The following CRB1 variants were observed in gnomAD, a reference collection of about 807,000 sequenced individuals.
CRB1 encodes the protein protein crumbs homolog 1.
Under a neutral mutation model 120.0 loss-of-function variants are expected in CRB1, and 83 were observed. That is an observed-to-expected ratio of 0.69 (90% CI 0.58 to 0.83). The LOEUF (loss-of-function observed/expected upper bound fraction) is 0.83, where lower values mean the gene tolerates loss of function less well. Among genes scored for constraint, CRB1 ranks in the 40% least tolerant of loss-of-function variants. The pLI, the probability that CRB1 is intolerant of heterozygous loss-of-function variation, is 0.00. For missense variants in CRB1, 1,699 were observed against 1,687.6 expected, an observed-to-expected ratio of 1.01 and a Z score of -0.12; for synonymous variants, 625 against 612.5, an observed-to-expected ratio of 1.02 and a Z score of -0.30.
intron 11 of CRB1, among the ~76,000 whole-genome samples, chr1:197,461,044 G>T (rs561421994): frequency 6.6e-5 from 10 of 152,242 alleles, no homozygotes; most frequent in African/African-American, 2.4e-4. Flanking sequence ...GATAATCACA[G>T]CTGGCAATAT....
At chr1:197,342,914 T>C (rs1571870731) in intron 2 of CRB1, among the ~76,000 whole-genome samples, 2 of 152,324 alleles carry the variant, frequency 1.3e-5, no homozygotes, top group African/African-American at 2.4e-5. Flanking sequence ...ACCTTAGTTA[T>C]GCCAAGTAAA....
intron 10 of CRB1, chr1:197,439,345 C>A (rs2125507852): frequency 6.5e-6 from 1 of 153,482 alleles, no homozygotes; most frequent in East Asian, 1.9e-4. Flanking sequence ...ACTATATAAG[C>A]AGATAATTGT....
chr1:197,226,750 TAAACTC>T, the CRB1 span, among the ~76,000 whole-genome samples: 1 of 152,154 alleles, frequency 6.6e-6, no homozygotes, highest in East Asian at 1.9e-4. Flanking sequence ...GCTGTAAAGA[TAAACTC>T]AAGATTGGGA....
intron 5 of CRB1, among the ~76,000 whole-genome samples, chr1:197,391,812 A>G (rs1232154786): frequency 2.6e-5 from 4 of 152,080 alleles, no homozygotes; most frequent in African/African-American, 4.8e-5. Context: ...AGAAAAAAAT[A>G]TTAAGAAGGA....
At chr1:197,211,026 C>T in the CRB1 span, among the ~76,000 whole-genome samples, 966 of 152,162 alleles carry the variant, frequency 6.3e-3, 14 homozygotes, top group African/African-American at 0.022. Context: ...TAATCATAAA[C>T]GGATGTTTTT....
chr1:197,355,432 GC>G (rs1660414125), intron 4 of CRB1, among the ~76,000 whole-genome samples: 1 of 152,202 alleles, frequency 6.6e-6, no homozygotes, highest in Admixed American at 6.5e-5. Context: ...GGGACCCGGC[GC>G]CGCGGAGCAG....
At chr1:197,313,897 T>C (rs758612846) in intron 1 of CRB1, among the ~76,000 whole-genome samples, 4 of 152,204 alleles carry the variant, frequency 2.6e-5, no homozygotes, top group Admixed American at 6.5e-5. Context: ...GGAGTGCAAA[T>C]ATCTCAAGTC....
intron 8 of CRB1, among the ~76,000 whole-genome samples, 178 bp from the exon 9 acceptor site, chr1:197,434,528 C>A (rs1449328089): frequency 6.6e-6 from 1 of 151,924 alleles, no homozygotes. Context: ...AATAATAATA[C>A]CTGTATTCAA....
At chr1:197,206,896 G>C in the CRB1 span, among the ~76,000 whole-genome samples, 1 of 152,110 alleles carries the variant, frequency 6.6e-6, no homozygotes, top group East Asian at 1.9e-4. Context: ...AGTAGTAATT[G>C]TTTTGTAAAT....
intron 11 of CRB1, among the ~76,000 whole-genome samples, chr1:197,464,474 A>T (rs1158140452): frequency 1.4e-5 from 2 of 147,636 alleles, no homozygotes; most frequent in African/African-American, 2.5e-5. Flanking sequence ...CAAGGGAAGT[A>T]TTTTTTTTTT....
chr1:197,361,176 T>C (rs1392625321), intron 5 of CRB1, among the ~76,000 whole-genome samples: 1 of 152,058 alleles, frequency 6.6e-6, no homozygotes, highest in Non-Finnish European at 1.5e-5. Context: ...TGAAAGTTAT[T>C]GGTCTATAGT....
chr1:197,325,911 G>T (rs1344602665), intron 1 of CRB1, among the ~76,000 whole-genome samples: 1 of 152,112 alleles, frequency 6.6e-6, no homozygotes, highest in African/African-American at 2.4e-5. Flanking sequence ...GCTGACAAAG[G>T]ATACATTTAA....
intron 1 of CRB1, among the ~76,000 whole-genome samples, chr1:197,311,678 A>G (rs950449733): frequency 6.7e-6 from 1 of 149,366 alleles, no homozygotes; most frequent in African/African-American, 2.5e-5. Flanking sequence ...TAGTTAACAC[A>G]TGCATCACCT....
chr1:197,435,726 G>A, intron 9 of CRB1, 114 bp downstream of exon 9: 3 of 899,496 alleles, frequency 3.3e-6, no homozygotes, highest in Non-Finnish European at 5.2e-6. Flanking sequence ...TGCTGAACAG[G>A]GTGACACTGG....
intron 6 of CRB1, among the ~76,000 whole-genome samples, chr1:197,425,358 C>A (rs1406658103): frequency 6.6e-6 from 1 of 152,134 alleles, no homozygotes; most frequent in Non-Finnish European, 1.5e-5. Context: ...GAAAATATAG[C>A]CTTTTATGCA....
chr1:197,331,609 A>G (rs368202003), intron 2 of CRB1, among the ~76,000 whole-genome samples: 3 of 152,282 alleles, frequency 2.0e-5, no homozygotes, highest in East Asian at 3.9e-4. Flanking sequence ...TGCTTTGTTT[A>G]CAATGGTCAC....
intron 11 of CRB1, among the ~76,000 whole-genome samples, chr1:197,454,222 T>C (rs1460186653): frequency 6.6e-6 from 1 of 151,684 alleles, no homozygotes; most frequent in African/African-American, 2.4e-5. Flanking sequence ...GCACTTGAAA[T>C]CTTGTTAGCA....
rs1027295186 is a variant in CRB1 at position 197,442,042 on chromosome 1, G to A, written c.3879-124G>A. The A allele has an allele frequency of 6.6e-6, 7 of 1,066,710 alleles. No individual in the cohort carries two copies. In the Admixed American group the frequency reaches 6.9e-5, roughly 10 times the overall value. The allele number at this position is 1,066,710 out of a possible 1,614,324, so 66.1% of individuals were successfully genotyped here. ...TCCGACATTATCAAGTATGTATAAA[G>A]TATGTGTGGATGGGTAGATAAGACT... On this transcript the variant is annotated intron_variant, in intron 10 of 11. Transcript: ENST00000367400.
At chr1:197,467,086 G>C (rs1412418050) in intron 11 of CRB1, among the ~76,000 whole-genome samples, 1 of 152,116 alleles carries the variant, frequency 6.6e-6, no homozygotes, top group Non-Finnish European at 1.5e-5. Context: ...GCAAGGCCTG[G>C]TATAGCCAAG....
Sources: allele counts gnomAD v4.1 joint callset (sites outside exome capture counted in the v4.1 genomes callset), GRCh38; gene constraint gnomAD v4.1.1; transcripts MANE v1.5; gene names NCBI Gene and HGNC (gene_info 2026-07-23, HGNC 2026-07-21).